Variants in GMDS observed in about 807,000 individuals in gnomAD.
GMDS encodes GDP-mannose 4,6-dehydratase.
GMDS carries 20 observed loss-of-function variants against 49.9 expected under a neutral mutation model. The observed-to-expected ratio is 0.40, with a 90% confidence interval of 0.28 to 0.58. The LOEUF (loss-of-function observed/expected upper bound fraction) is 0.58. GMDS is among the 20% of genes least tolerant of loss of function. GMDS has a pLI of 0.42. For synonymous variants in GMDS, 177 were observed against 178.6 expected, an observed-to-expected ratio of 0.99 and a Z score of 0.07; for missense variants, 362 against 481.4, an observed-to-expected ratio of 0.75 and a Z score of 2.32.
intron 7 of GMDS, among the ~76,000 whole-genome samples, chr6:1,869,125 C>T (rs1305188086): frequency 6.6e-6 from 1 of 152,170 alleles, no homozygotes; most frequent in African/African-American, 2.4e-5. Flanking sequence ...CAGGAAAAGG[C>T]TCTACTGGGG....
At chr6:2,008,129 T>C (rs1474917897) in intron 4 of GMDS, among the ~76,000 whole-genome samples, 1 of 152,248 alleles carries the variant, frequency 6.6e-6, no homozygotes, top group Non-Finnish European at 1.5e-5. Flanking sequence ...ACATTCAAAA[T>C]ACTTTAGAAA....
chr6:1,848,385 C>T (rs78614970), intron 7 of GMDS, among the ~76,000 whole-genome samples: 1,998 of 152,264 alleles, frequency 0.013, 47 homozygotes, highest in African/African-American at 0.045. Context: ...TCCACAAAAT[C>T]TCTATGGATT....
intron 7 of GMDS, among the ~76,000 whole-genome samples, chr6:1,919,260 C>T (rs1027259680): frequency 2.6e-5 from 4 of 152,208 alleles, no homozygotes; most frequent in African/African-American, 9.6e-5. Flanking sequence ...GTCTCCCTCA[C>T]TTTTCTCTCT....
At chr6:1,742,926 T>C (rs1459427111) in intron 7 of GMDS, among the ~76,000 whole-genome samples, 1 of 152,190 alleles carries the variant, frequency 6.6e-6, no homozygotes, top group African/African-American at 2.4e-5. Flanking sequence ...GCAGTGTCTA[T>C]GGCAAATAAC....
intron 7 of GMDS, among the ~76,000 whole-genome samples, chr6:1,874,944 T>C (rs1758957040): frequency 6.6e-6 from 1 of 152,250 alleles, no homozygotes; most frequent in Non-Finnish European, 1.5e-5. Flanking sequence ...AATATTTTAA[T>C]GTTATTTTAC....
intron 9 of GMDS, among the ~76,000 whole-genome samples, chr6:1,711,199 C>T (rs957657073): frequency 3.3e-5 from 5 of 152,256 alleles, no homozygotes; most frequent in Non-Finnish European, 7.3e-5. Context: ...GCATCATTCC[C>T]TGACTGCAGC....
chr6:2,052,391 C>T (rs1319246198), intron 4 of GMDS, among the ~76,000 whole-genome samples: 1 of 152,160 alleles, frequency 6.6e-6, no homozygotes, highest in Admixed American at 6.5e-5. Flanking sequence ...GAAGTTATCT[C>T]TAAGCTGAAA....
chr6:1,624,684 C>T, intron 9 of GMDS, 144 bp from the exon 10 acceptor site: 1 of 628,626 alleles, frequency 1.6e-6, no homozygotes, highest in Admixed American at 2.9e-5. Flanking sequence ...CTGCTGTGCG[C>T]GTTCAGTTGC....
At chr6:2,083,366 T>C (rs1344658955) in intron 4 of GMDS, among the ~76,000 whole-genome samples, 1 of 152,108 alleles carries the variant, frequency 6.6e-6, no homozygotes, top group African/African-American at 2.4e-5. Flanking sequence ...TTACCATTAT[T>C]AAGTAATCTG....
At chr6:1,657,768 C>A (rs1160006891) in intron 9 of GMDS, among the ~76,000 whole-genome samples, 1 of 149,526 alleles carries the variant, frequency 6.7e-6, no homozygotes, top group Non-Finnish European at 1.5e-5. Flanking sequence ...CACTTACTTT[C>A]TCTCTCCCTG....
At chr6:1,928,366 GA>G (rs79258986) in intron 7 of GMDS, among the ~76,000 whole-genome samples, 16,046 of 128,938 alleles carry the variant, frequency 0.12, 892 homozygotes, top group South Asian at 0.19. Context: ...TCTGCCTTAA[GA>G]AAAAAAAAAA....
intron 4 of GMDS, among the ~76,000 whole-genome samples, chr6:1,971,714 A>G (rs975976822): frequency 1.3e-5 from 2 of 152,214 alleles, no homozygotes; most frequent in African/African-American, 4.8e-5. Flanking sequence ...TGTGGGGGCC[A>G]TGGCTTTCCA....
At chr6:1,675,334 T>TG (rs1232245561) in intron 9 of GMDS, among the ~76,000 whole-genome samples, 1 of 144,510 alleles carries the variant, frequency 6.9e-6, no homozygotes, top group African/African-American at 2.6e-5. Context: ...TTTTTTTTTT[T>TG]GGTTGTTTCT....
chr6:1,673,672 C>T (rs529639945), intron 9 of GMDS, among the ~76,000 whole-genome samples: 1 of 152,114 alleles, frequency 6.6e-6, no homozygotes, highest in African/African-American at 2.4e-5. Flanking sequence ...GTTCTGCTGC[C>T]ACAAAAGCCC....
chr6:2,232,007 C>T (rs1289718512), intron 1 of GMDS, among the ~76,000 whole-genome samples: 1 of 151,990 alleles, frequency 6.6e-6, no homozygotes, highest in Non-Finnish European at 1.5e-5. Flanking sequence ...GGACTAATGC[C>T]AATCCATGAC....
At chr6:2,117,914 T>G (rs1774935530) in intron 2 of GMDS, among the ~76,000 whole-genome samples, 1 of 152,148 alleles carries the variant, frequency 6.6e-6, no homozygotes, top group Non-Finnish European at 1.5e-5. Context: ...CGAGGCCGTG[T>G]CGGTAAAACA....
chr6:2,062,207 G>C (rs1233551978), intron 4 of GMDS, among the ~76,000 whole-genome samples: 1 of 152,160 alleles, frequency 6.6e-6, no homozygotes, highest in South Asian at 2.1e-4. Flanking sequence ...CCCAAGAGAA[G>C]CATCTACCTG....
intron 4 of GMDS, among the ~76,000 whole-genome samples, chr6:1,988,407 T>C (rs1020755425): frequency 1.3e-5 from 2 of 151,714 alleles, no homozygotes. Context: ...GTACCCCTTC[T>C]CCAGCCCAAT....
intron 7 of GMDS, among the ~76,000 whole-genome samples, chr6:1,917,088 T>C (rs1761444652): frequency 6.6e-6 from 1 of 152,152 alleles, no homozygotes; most frequent in African/African-American, 2.4e-5. Flanking sequence ...CACACTCAGT[T>C]CCTCACACTG....
Sources: gnomAD v4.1 joint callset for allele counts (sites outside exome capture counted in the v4.1 genomes callset) on GRCh38, gnomAD v4.1.1 for gene constraint, MANE v1.5 for transcripts, NCBI Gene and HGNC (gene_info 2026-07-23, HGNC 2026-07-21) for gene names.